The following ENTREP3 variants were observed in gnomAD, a reference collection of about 807,000 sequenced individuals.
The protein encoded by ENTREP3 is endosomal transmembrane epsin interactor 3.
At chr1:155,254,390 T>C in the ENTREP3 span, 3 of 1,614,010 alleles carry the variant, frequency 1.9e-6, no homozygotes, top group Non-Finnish European at 2.5e-6. This position sits in a 1 kb window ranked among gnomAD's most constrained non-coding sequence, Gnocchi z 4.4. Context: ...CACTGGACCC[T>C]GGCACCTACC....
At chr1:155,250,681 G>A in the ENTREP3 span, 3 of 1,612,334 alleles carry the variant, frequency 1.9e-6, no homozygotes, top group Non-Finnish European at 1.7e-6. This position sits in a 1 kb window ranked among gnomAD's most constrained non-coding sequence, Gnocchi z 5.4. Context: ...GCACGGCTGC[G>A]CTGGATGGAG....
the ENTREP3 span, among the ~76,000 whole-genome samples, chr1:155,249,380 C>T: frequency 1.3e-5 from 2 of 152,108 alleles, no homozygotes; most frequent in Non-Finnish European, 2.9e-5. Flanking sequence ...TGCAAGCCAC[C>T]GTGCCCGGCC....
the ENTREP3 span, chr1:155,254,271 T>A: frequency 6.7e-7 from 1 of 1,488,350 alleles, no homozygotes. The surrounding 1 kb of genome is among the most constrained non-coding windows in gnomAD (Gnocchi z 4.4). Context: ...TCCCCCTCCT[T>A]CACAGACACT....
the ENTREP3 span, chr1:155,251,460 A>G: frequency 7.5e-6 from 11 of 1,462,670 alleles, 1 homozygote; most frequent in South Asian, 1.3e-4. Flanking sequence ...CCAGGCTACA[A>G]CCCGGCTCCC....
the ENTREP3 span, chr1:155,248,592 A>G: frequency 2.7e-5 from 21 of 781,516 alleles, no homozygotes; most frequent in Middle Eastern, 6.4e-4. Flanking sequence ...TCCATCCCCA[A>G]TCAAAGGGCC....
chr1:155,253,636 G>C, the ENTREP3 span: 2 of 1,613,092 alleles, frequency 1.2e-6, no homozygotes, highest in Non-Finnish European at 1.7e-6. Context: ...GTATGCACGA[G>C]GTCCAGGGAG....
At chr1:155,250,293 G>A in the ENTREP3 span, 1 of 1,547,368 alleles carries the variant, frequency 6.5e-7, no homozygotes, top group Non-Finnish European at 8.7e-7. This position sits in a 1 kb window ranked among gnomAD's most constrained non-coding sequence, Gnocchi z 5.4. Context: ...ACTGGAGGTC[G>A]TGATGCCTGG....
the ENTREP3 span, chr1:155,250,635 C>T: frequency 1.2e-6 from 2 of 1,610,834 alleles, no homozygotes; most frequent in Non-Finnish European, 1.7e-6. The surrounding 1 kb of genome is among the most constrained non-coding windows in gnomAD (Gnocchi z 5.4). Flanking sequence ...CTCGAAGGGG[C>T]CCCGCAGGCC....
chr1:155,250,965 C>A, the ENTREP3 span: 1 of 1,224,024 alleles, frequency 8.2e-7, no homozygotes, highest in Non-Finnish European at 1.1e-6. The surrounding 1 kb of genome is among the most constrained non-coding windows in gnomAD (Gnocchi z 5.4). Flanking sequence ...TCCAGGGTTC[C>A]AAGTTGCCAC....
chr1:155,253,847 G>C, the ENTREP3 span: 1 of 1,613,232 alleles, frequency 6.2e-7, no homozygotes. Context: ...TGTTTGCAGG[G>C]TGCAAGCTCA....
chr1:155,254,518 C>A, the ENTREP3 span: 1 of 1,587,950 alleles, frequency 6.3e-7, no homozygotes. This position sits in a 1 kb window ranked among gnomAD's most constrained non-coding sequence, Gnocchi z 4.4. Flanking sequence ...AGCCCCTCAC[C>A]ACAGGATGCA....
the ENTREP3 span, chr1:155,254,176 G>C: frequency 6.2e-7 from 1 of 1,613,846 alleles, no homozygotes; most frequent in South Asian, 1.1e-5. The surrounding 1 kb of genome is among the most constrained non-coding windows in gnomAD (Gnocchi z 4.4). Context: ...AGCACCGAAA[G>C]CAAGGAGAAG....
At chr1:155,254,076 A>G in the ENTREP3 span, 6 of 1,613,748 alleles carry the variant, frequency 3.7e-6, no homozygotes, top group South Asian at 1.1e-5. The surrounding 1 kb of genome is among the most constrained non-coding windows in gnomAD (Gnocchi z 4.4). Flanking sequence ...TCCCTCCTCA[A>G]ATCTCACCAG....
chr1:155,248,830 T>C, the ENTREP3 span, among the ~76,000 whole-genome samples: 1 of 151,864 alleles, frequency 6.6e-6, no homozygotes, highest in Non-Finnish European at 1.5e-5. Context: ...TTCTCCTGCC[T>C]CAGCCTCCCT....
At chr1:155,255,240 G>A in the ENTREP3 span, 2 of 369,864 alleles carry the variant, frequency 5.4e-6, no homozygotes, top group African/African-American at 2.1e-5. This position sits in a 1 kb window ranked among gnomAD's most constrained non-coding sequence, Gnocchi z 5.6. Context: ...GGGAGGGGTG[G>A]GGAGGGTAAA....
At chr1:155,250,723 A>C in the ENTREP3 span, 42 of 1,612,972 alleles carry the variant, frequency 2.6e-5, no homozygotes, top group South Asian at 4.4e-4. The surrounding 1 kb of genome is among the most constrained non-coding windows in gnomAD (Gnocchi z 5.4). Flanking sequence ...GAGCGCACGG[A>C]GCCCTGCAGC....
chr1:155,252,044 A>ATGATACGGCGACC, the ENTREP3 span: 1 of 597,914 alleles, frequency 1.7e-6, no homozygotes, highest in South Asian at 2.8e-5. Context: ...CCCCTCCCTC[A>ATGATACGGCGACC]CCCAAAATCA....
chr1:155,248,022 C>T, the ENTREP3 span: 1 of 1,614,028 alleles, frequency 6.2e-7, no homozygotes, highest in African/African-American at 1.3e-5. Flanking sequence ...CTTTCCCAAA[C>T]ATCTTTCCTG....
At chr1:155,251,800 G>A in the ENTREP3 span, 1 of 1,587,160 alleles carries the variant, frequency 6.3e-7, no homozygotes, top group East Asian at 2.3e-5. Context: ...GGCACAGGCG[G>A]GACAAATTCC....
Sources: gnomAD v4.1 joint callset for allele counts (sites outside exome capture counted in the v4.1 genomes callset) on GRCh38, gnomAD v4.1.1 for gene constraint, Gnocchi (gnomAD v3.1) non-coding constraint, MANE v1.5 for transcripts, NCBI Gene and HGNC (gene_info 2026-07-23, HGNC 2026-07-21) for gene names.